Variants in GNAS-AS1 observed in about 807,000 individuals in gnomAD.
The protein encoded by GNAS-AS1 is GNAS antisense RNA 1 (non-protein coding).
intron 2 of GNAS-AS1, among the ~76,000 whole-genome samples, chr20:58,846,363 C>G (rs2085940238): frequency 1.3e-5 from 2 of 152,068 alleles, no homozygotes; most frequent in Non-Finnish European, 2.9e-5. Context: ...TTTTAAAAGC[C>G]AAATATGGCA....
chr20:58,835,610 C>T lies in GNAS-AS1; in HGVS notation n.819+6327G>A, dbSNP rs539623878. On this transcript the variant is annotated intron_variant and non_coding_transcript_variant, in intron 4 of 4. Transcript: ENST00000424094. ...TTACTCAACTTCCCTCCCTGTCTAT[C>T]TGGGCTGGAATGTATTACTCTACAC... is the stretch of plus-strand genomic sequence containing the variant. 2.6e-5 allele frequency among the ~76,000 whole-genome samples: 4 copies of T among 152,310 alleles called. No homozygotes were observed. The East Asian group carries it at 5.8e-4, about 22-fold the overall frequency.
chr20:58,823,481 C>T (rs1001716402), intron 4 of GNAS-AS1, among the ~76,000 whole-genome samples: 4 of 152,172 alleles, frequency 2.6e-5, no homozygotes, highest in South Asian at 4.1e-4. Flanking sequence ...CTGTGACGGG[C>T]GCACGTGCCT....
intron 4 of GNAS-AS1, among the ~76,000 whole-genome samples, chr20:58,821,755 C>T (rs547551864): frequency 2.0e-5 from 3 of 152,156 alleles, no homozygotes; most frequent in Non-Finnish European, 4.4e-5. Flanking sequence ...GTCACAACTA[C>T]CATGGATTCT....
chr20:58,842,844 G>T (rs1036164738), intron 2 of GNAS-AS1, among the ~76,000 whole-genome samples: 3 of 152,238 alleles, frequency 2.0e-5, no homozygotes, highest in African/African-American at 7.2e-5. Flanking sequence ...AAGTGTGGGA[G>T]CTATCTTCAG....
chr20:58,830,786 G>A (rs940854689), intron 4 of GNAS-AS1, among the ~76,000 whole-genome samples: 5 of 150,838 alleles, frequency 3.3e-5, no homozygotes, highest in African/African-American at 1.2e-4. Flanking sequence ...GCAAGCAGAA[G>A]GAGGCAAGAT....
intron 4 of GNAS-AS1, among the ~76,000 whole-genome samples, chr20:58,822,654 T>C (rs1393095116): frequency 6.6e-6 from 1 of 152,114 alleles, no homozygotes; most frequent in Non-Finnish European, 1.5e-5. Flanking sequence ...ACCCATTAAT[T>C]TGTACTATTA....
At position 58,840,319 on chromosome 20, in the gene GNAS-AS1, C is replaced by G; in HGVS notation, n.819+1618G>C. On this transcript the variant is annotated intron_variant and non_coding_transcript_variant, in intron 4 of 4. Coordinates refer to ENST00000424094, the Ensembl canonical transcript of GNAS-AS1. This position sits in a 1 kb window ranked among gnomAD's most constrained non-coding sequence, Gnocchi z 6.0. ...GCTTCCTTAACGCCCACCACCGCTCCGGCGCCCAGGTATTCCCTGAGTCCC... is the reference window on the plus strand; with the variant it reads ...GCTTCCTTAACGCCCACCACCGCTCGGGCGCCCAGGTATTCCCTGAGTCCC... 6.2e-7 allele frequency: 1 copy of G among 1,612,910 alleles called. No individual in the cohort carries two copies. The highest frequency in any genetic ancestry group is 8.5e-7 in the Non-Finnish European group (1 of 1,179,992).
At chr20:58,848,943 A>G in intron 1 of GNAS-AS1, 1 of 398,598 alleles carries the variant, frequency 2.5e-6, no homozygotes, top group Non-Finnish European at 4.4e-6. Context: ...AGGAGTGGAA[A>G]AAAGGGGGAA....
At chr20:58,819,775 T>G (rs968250416) in intron 4 of GNAS-AS1, among the ~76,000 whole-genome samples, 2 of 152,234 alleles carry the variant, frequency 1.3e-5, no homozygotes, top group African/African-American at 4.8e-5. Context: ...CAACCAGGAT[T>G]GTTTCCATCA....
rs1339610115 is a variant in GNAS-AS1, at chr20:58,840,379, A to C, written n.819+1558T>G. On this transcript the variant is annotated intron_variant and non_coding_transcript_variant, in intron 4 of 4. Coordinates refer to ENST00000424094, the Ensembl canonical transcript of GNAS-AS1. The surrounding 1 kb of genome is among the most constrained non-coding windows in gnomAD (Gnocchi z 6.0). ...AATCTGACCACGAGCACGAGGAGGC[A>C]GACCTTGAGCTGTCCCTCCCCGAGT... 2.5e-6 allele frequency: 4 copies of C among 1,613,450 alleles called. No individual in the cohort carries two copies. Among genetic ancestry groups the C allele is most frequent in the East Asian group, 2.2e-5 (1 of 44,852 alleles).
At chr20:58,820,949 T>C (rs147019771) in intron 4 of GNAS-AS1, among the ~76,000 whole-genome samples, 34 of 152,250 alleles carry the variant, frequency 2.2e-4, no homozygotes, top group African/African-American at 8.2e-4. Context: ...TCAGATCCCC[T>C]TCAGTGAAAA....
rs1373437100 is a variant in GNAS-AS1 at position 58,841,837 on chromosome 20, G to A, written n.819+100C>T. On this transcript the variant is annotated intron_variant and non_coding_transcript_variant, in intron 4 of 4. Transcript: ENST00000424094. The surrounding 1 kb of genome is among the most constrained non-coding windows in gnomAD (Gnocchi z 5.0). ...GGAGACGTCCTGGGCTGTTTGCGCA[G>A]GACCTCTGGAGGCCCTCGAGATCGT... 6.5e-6 allele frequency: 8 copies of A among 1,230,882 alleles called. No homozygotes were observed. Among genetic ancestry groups the A allele is most frequent in the Non-Finnish European group, 8.1e-6 (8 of 987,992 alleles). The allele number at this position is 1,230,882 out of a possible 1,614,324, so 76.2% of individuals were successfully genotyped here.
intron 4 of GNAS-AS1, among the ~76,000 whole-genome samples, chr20:58,825,495 C>T (rs901192678): frequency 3.3e-5 from 5 of 152,138 alleles, no homozygotes; most frequent in South Asian, 2.1e-4. Context: ...CTTAACCAGA[C>T]GCCAGGGATA....
intron 4 of GNAS-AS1, among the ~76,000 whole-genome samples, chr20:58,828,474 A>G (rs6026547): frequency 0.41 from 62,307 of 152,096 alleles, 14,330 homozygotes; most frequent in East Asian, 0.79. Context: ...TAGGACTAGA[A>G]AAATTCAGTC....
At chr20:58,820,870 T>C (rs1220029856) in intron 4 of GNAS-AS1, among the ~76,000 whole-genome samples, 4 of 152,194 alleles carry the variant, frequency 2.6e-5, no homozygotes, top group East Asian at 3.9e-4. Flanking sequence ...GTTCCTCCCA[T>C]GACACGTGGG....
At chr20:58,844,874 C>CT (rs1410498898) in intron 2 of GNAS-AS1, among the ~76,000 whole-genome samples, 1 of 152,076 alleles carries the variant, frequency 6.6e-6, no homozygotes, top group African/African-American at 2.4e-5. Context: ...AGGAAGAAAT[C>CT]TGTTTTGTGT....
At chr20:58,842,205 T>C in exon 4 of GNAS-AS1, 1 of 398,582 alleles carries the variant, frequency 2.5e-6, no homozygotes, top group African/African-American at 2.1e-5. Context: ...AGGCGTGCTC[T>C]CCTCGCCAGT....
At chr20:58,842,426 A>G in intron 3 of GNAS-AS1, 1 of 398,610 alleles carries the variant, frequency 2.5e-6, no homozygotes, top group Non-Finnish European at 4.4e-6. Context: ...TGATAGAAGG[A>G]AAATACCTTA....
In GNAS-AS1 at chr20:58,841,863, C is replaced by T; in HGVS notation, n.819+74G>A. The stretch of plus-strand genomic sequence containing the variant: ...GACCTCTGGAGGCCCTCGAGATCGT[C>T]GCAAGTGGAAAGGTAAAGCGGAACA... On this transcript the variant is annotated intron_variant and non_coding_transcript_variant, in intron 4 of 4. Transcript: ENST00000424094. This position sits in a 1 kb window ranked among gnomAD's most constrained non-coding sequence, Gnocchi z 5.0. 2 of 1,231,174 alleles carry T rather than the reference C, an allele frequency of 1.6e-6. No individual in the cohort carries two copies. The highest frequency in any genetic ancestry group is 8.4e-5 in the South Asian group (2 of 23,698). The allele number at this position is 1,231,174 out of a possible 1,614,324, so 76.3% of individuals were successfully genotyped here.
Sources: gnomAD v4.1 joint callset for allele counts (sites outside exome capture counted in the v4.1 genomes callset) on GRCh38, gnomAD v4.1.1 for gene constraint, Gnocchi (gnomAD v3.1) non-coding constraint, MANE v1.5 for transcripts, NCBI Gene and HGNC (gene_info 2026-07-23, HGNC 2026-07-21) for gene names.